Variants in CYSLTR2 observed in about 807,000 individuals in gnomAD.
CYSLTR2 encodes cysteinyl leukotriene receptor 2.
For missense variants in CYSLTR2, 398 were observed against 411.9 expected (o/e 0.97, Z 0.29); for synonymous variants, 179 against 160.8 (o/e 1.11, Z -0.86).
chr13:48,685,239 G>A (rs1177406828), intron 1 of CYSLTR2, among the ~76,000 whole-genome samples: 1 of 152,076 alleles, frequency 6.6e-6, no homozygotes, highest in Non-Finnish European at 1.5e-5. Flanking sequence ...GAGAGAAGGG[G>A]GAGGTGCTAT....
At chr13:48,684,728 G>A (rs944306728) in intron 1 of CYSLTR2, among the ~76,000 whole-genome samples, 2 of 152,136 alleles carry the variant, frequency 1.3e-5, no homozygotes, top group Non-Finnish European at 2.9e-5. Context: ...ACCTGTGAAA[G>A]TGGCCTTATT....
At chr13:48,697,144 C>T (rs1386002697) in intron 4 of CYSLTR2, among the ~76,000 whole-genome samples, 5 of 152,200 alleles carry the variant, frequency 3.3e-5, no homozygotes, top group Non-Finnish European at 7.3e-5. Context: ...CCCTGTCTGA[C>T]AGCTTTGAAG....
intron 1 of CYSLTR2, among the ~76,000 whole-genome samples, chr13:48,667,474 A>C (rs774164687): frequency 6.6e-6 from 1 of 152,148 alleles, no homozygotes; most frequent in Non-Finnish European, 1.5e-5. Context: ...GCCTGAGGGA[A>C]CATCTGCTGG....
At chr13:48,702,699 T>C (rs775646614) in intron 4 of CYSLTR2, among the ~76,000 whole-genome samples, 10 of 152,358 alleles carry the variant, frequency 6.6e-5, no homozygotes, top group East Asian at 3.9e-4. Flanking sequence ...ACTTTAACTA[T>C]AAAATAAGTC....
intron 4 of CYSLTR2, among the ~76,000 whole-genome samples, chr13:48,697,409 G>C (rs1200248836): frequency 1.3e-5 from 2 of 152,170 alleles, no homozygotes; most frequent in Non-Finnish European, 2.9e-5. Flanking sequence ...GGTCTGGAGT[G>C]GACCTCCAGC....
chr13:48,710,074 A>C lies in CYSLTR2; in HGVS notation c.*2216A>C, dbSNP rs963017739. ...AAGAAACTTTTGTATTAGAGAGGAA[A>C]TATAACCACAGTACACTACATGGCT... On this transcript the variant is annotated 3_prime_UTR_variant, in exon 5 of 5. Coordinates refer to ENST00000682523, the MANE Select transcript of CYSLTR2 (RefSeq NM_001308476.3). The C allele has an allele frequency of 1.3e-5, 2 of 152,242 alleles. No homozygotes were observed. 9.4% of individuals were successfully genotyped at this position (152,242 alleles called of 1,614,324 possible). A position where few individuals can be genotyped will look rare whatever the true frequency, so the allele number is the denominator to read the frequency against.
chr13:48,703,819 A>C (rs1954412375), intron 4 of CYSLTR2, among the ~76,000 whole-genome samples: 1 of 152,068 alleles, frequency 6.6e-6, no homozygotes, highest in South Asian at 2.1e-4. Flanking sequence ...ATTCTTATTT[A>C]AATAGTTGGC....
chr13:48,676,882 AAAATTCTTTGC>A (rs1465585129), intron 1 of CYSLTR2, among the ~76,000 whole-genome samples: 2 of 152,246 alleles, frequency 1.3e-5, no homozygotes, highest in African/African-American at 4.8e-5. Context: ...ATCTGAAAAG[AAAATTCTTTGC>A]AAACTATAAG....
At chr13:48,704,692 T>C (rs949841603) in intron 4 of CYSLTR2, among the ~76,000 whole-genome samples, 4 of 152,224 alleles carry the variant, frequency 2.6e-5, no homozygotes, top group Non-Finnish European at 5.9e-5. Flanking sequence ...TGAGATTTCC[T>C]TTTTGACCCA....
intron 4 of CYSLTR2, among the ~76,000 whole-genome samples, chr13:48,697,146 G>A (rs548778061): frequency 5.3e-5 from 8 of 152,218 alleles, no homozygotes; most frequent in Non-Finnish European, 1.2e-4. Context: ...CTGTCTGACA[G>A]CTTTGAAGAG....
At chr13:48,672,502 G>T (rs1418375865) in intron 1 of CYSLTR2, among the ~76,000 whole-genome samples, 1 of 151,892 alleles carries the variant, frequency 6.6e-6, no homozygotes, top group Non-Finnish European at 1.5e-5. Context: ...TGGTTTCAAA[G>T]AATTTATTTA....
intron 4 of CYSLTR2, among the ~76,000 whole-genome samples, chr13:48,702,358 T>C (rs1422520360): frequency 6.6e-6 from 1 of 152,094 alleles, no homozygotes; most frequent in Non-Finnish European, 1.5e-5. Context: ...TGTATACATA[T>C]GTAACAAAAC....
At chr13:48,680,800 CTTTT>C (rs139896583) in intron 1 of CYSLTR2, among the ~76,000 whole-genome samples, 5 of 55,048 alleles carry the variant, frequency 9.1e-5, no homozygotes, top group Middle Eastern at 0.012. Flanking sequence ...CTTTTCTTTT[CTTTT>C]TTTTTTTTTT....
chr13:48,690,603 C>T (rs759669289), intron 1 of CYSLTR2, among the ~76,000 whole-genome samples: 8 of 152,146 alleles, frequency 5.3e-5, no homozygotes, highest in Non-Finnish European at 8.8e-5. Context: ...AGGGCTGAAG[C>T]CAACTGGATC....
intron 1 of CYSLTR2, among the ~76,000 whole-genome samples, chr13:48,656,074 GAT>G (rs1952990014): frequency 6.8e-6 from 1 of 146,906 alleles, no homozygotes; most frequent in African/African-American, 2.7e-5. Flanking sequence ...TTTCAAGAAA[GAT>G]AAAAAAACCA....
chr13:48,700,800 T>TAG (rs1954321056), intron 4 of CYSLTR2, among the ~76,000 whole-genome samples: 2 of 152,192 alleles, frequency 1.3e-5, no homozygotes, highest in Non-Finnish European at 2.9e-5. Context: ...ATAAGCAACT[T>TAG]CAGCAAAGTC....
intron 1 of CYSLTR2, among the ~76,000 whole-genome samples, chr13:48,661,535 T>C (rs1953128940): frequency 6.6e-6 from 1 of 151,862 alleles, no homozygotes; most frequent in Non-Finnish European, 1.5e-5. Context: ...TAATAATAGT[T>C]AACATCACTG....
chr13:48,695,057 C>T (rs1383678441), intron 3 of CYSLTR2, among the ~76,000 whole-genome samples: 6 of 135,906 alleles, frequency 4.4e-5, no homozygotes, highest in Non-Finnish European at 9.3e-5. Flanking sequence ...CATGGTATAT[C>T]AGAACCTGGC....
intron 1 of CYSLTR2, among the ~76,000 whole-genome samples, chr13:48,655,521 A>G (rs140835200): frequency 6.6e-6 from 1 of 152,328 alleles, no homozygotes; most frequent in African/African-American, 2.4e-5. Flanking sequence ...CCTAAACCAC[A>G]CTGAAGCATT....
Sources: gnomAD v4.1 joint callset for allele counts (sites outside exome capture counted in the v4.1 genomes callset) on GRCh38, gnomAD v4.1.1 for gene constraint, MANE v1.5 for transcripts, NCBI Gene and HGNC (gene_info 2026-07-23, HGNC 2026-07-21) for gene names.